OR5AN1: variants seen among roughly 807,000 people sequenced by gnomAD.
OR5AN1 encodes olfactory receptor family 5 subfamily AN member 1, also known as olfactory receptor 5AN1.
For missense variants in OR5AN1, 476 were observed against 368.9 expected (o/e 1.29, Z -2.38); for synonymous variants, 167 against 131.8 (o/e 1.27, Z -1.83).
chr11:59,360,087 C>A (rs1372381786), intron 1 of OR5AN1: 3 of 152,154 alleles, frequency 2.0e-5, no homozygotes, highest in Non-Finnish European at 4.4e-5. Flanking sequence ...TATCAAATGT[C>A]AACAAGGTAA....
chr11:59,362,031 G>A (rs940066819), intron 1 of OR5AN1, among the ~76,000 whole-genome samples: 1 of 151,814 alleles, frequency 6.6e-6, no homozygotes, highest in East Asian at 1.9e-4. Context: ...AGAAGAGAGC[G>A]GGGGATTGGA....
rs1404154736 is a variant in OR5AN1, at chr11:59,368,610, G to A, written c.*3216G>A. The A allele has an allele frequency of 1.3e-5, 2 of 152,464 alleles. No individual in the cohort carries two copies. The highest frequency in any genetic ancestry group is 2.9e-5 in the Non-Finnish European group (2 of 68,280). The allele number at this position is 152,464 out of a possible 1,614,324, so 9.4% of individuals were successfully genotyped here. On this transcript the variant is annotated 3_prime_UTR_variant, in exon 2 of 2. Coordinates refer to ENST00000641998, the MANE Select transcript of OR5AN1 (RefSeq NM_001004729.2). ...TCACCAGACAAAGAACCCCTGGCTTGGGCCCACAACACATACCCTCTATCT... is the reference window on the plus strand; with the variant it reads ...TCACCAGACAAAGAACCCCTGGCTTAGGCCCACAACACATACCCTCTATCT...
chr11:59,365,356 G>A lies in OR5AN1; in HGVS notation c.898G>A (p.Asp300Asn). ...CAGTTTGAGGAACAAAGAAATTAAA[G>A]ATGCCTTAAAGAGGTTGCAAAAGAG... ...IYSLRNKEIK[D>N]ALKRLQKRKC... is the part of the protein sequence containing the mutation. Residue 300 changes from aspartate (D) to asparagine (N), a missense_variant, in exon 2 of 2, where the codon GAT becomes AAT. Physicochemically the swap from Asp to Asn is conservative, Grantham distance 23. Coordinates refer to ENST00000641998, the MANE Select transcript of OR5AN1 (RefSeq NM_001004729.2). 6.2e-7 allele frequency: 1 copy of A among 1,609,174 alleles called. No homozygotes were observed. Among genetic ancestry groups the A allele is most frequent in the Non-Finnish European group, 8.5e-7 (1 of 1,178,304 alleles).
Position 59,365,535 on chromosome 11 carries a change from T to C in OR5AN1, c.*141T>C, listed in dbSNP as rs1350230221. On this transcript the variant is annotated 3_prime_UTR_variant, in exon 2 of 2. Coordinates refer to ENST00000641998, the MANE Select transcript of OR5AN1 (RefSeq NM_001004729.2). ...AGAAGGCTTGATTTGATGCACAAAA[T>C]ATGCCAATATGGACCAACAGATGAC... 1 of 596,532 alleles carries C rather than the reference T, an allele frequency of 1.7e-6. No individual in the cohort carries two copies. 37.0% of individuals were successfully genotyped at this position (596,532 alleles called of 1,614,324 possible). A position where few individuals can be genotyped will look rare whatever the true frequency, so the allele number is the denominator to read the frequency against.
chr11:59,360,756 A>T (rs1247521319), intron 1 of OR5AN1, among the ~76,000 whole-genome samples: 2 of 152,190 alleles, frequency 1.3e-5, no homozygotes, highest in African/African-American at 2.4e-5. Flanking sequence ...GATGGCTTCC[A>T]GCTCCATCCA....
intron 1 of OR5AN1, among the ~76,000 whole-genome samples, chr11:59,360,631 T>C (rs986642163): frequency 6.6e-6 from 1 of 152,124 alleles, no homozygotes; most frequent in Admixed American, 6.5e-5. Context: ...TCTCACTGTA[T>C]CCATGTGTCC....
intron 1 of OR5AN1, among the ~76,000 whole-genome samples, chr11:59,362,323 T>C (rs1426183633): frequency 6.6e-6 from 1 of 152,150 alleles, no homozygotes; most frequent in African/African-American, 2.4e-5. Flanking sequence ...ATAATTTCTG[T>C]TTTAGTGTTA....
At position 59,360,438 on chromosome 11, in the gene OR5AN1, T is replaced by C. The variant is rs574041861; in HGVS notation, c.-14+1166T>C. On this transcript the variant is annotated intron_variant, in intron 1 of 1. Transcript: ENST00000641998. Reference sequence around the variant, plus strand: ...CTTTTTTTCATTTTTATTTTTATTTTAAGTTCTGGGGTACTTGTGCATGAT... The same window carrying C: ...CTTTTTTTCATTTTTATTTTTATTTCAAGTTCTGGGGTACTTGTGCATGAT... Among the ~76,000 whole-genome samples, 10 of 152,330 alleles carry C rather than the reference T, an allele frequency of 6.6e-5. 1 individual carries two copies. In the South Asian group the frequency reaches 2.1e-3, roughly 32 times the overall value.
intron 1 of OR5AN1, among the ~76,000 whole-genome samples, chr11:59,362,040 G>A (rs1857470610): frequency 6.6e-6 from 1 of 151,834 alleles, no homozygotes; most frequent in Admixed American, 6.6e-5. Context: ...CGGGGGATTG[G>A]AGAGAGAGCT....
In OR5AN1 at chr11:59,364,576, C is replaced by T. The variant is rs1162409824; in HGVS notation, c.118C>T (p.Leu40=). Residue 40 remains leucine (L), a synonymous_variant, in exon 2 of 2, where the codon CTG becomes TTG. Coordinates refer to ENST00000641998, the MANE Select transcript of OR5AN1 (RefSeq NM_001004729.2). ...TIFLVIYITS[L]AWNLSLIVLI... ...ATTCCTGGTGATCTACATTACATCT[C>T]TGGCCTGGAACCTCTCCCTCATTGT... The T allele has an allele frequency of 1.2e-6, 2 of 1,613,980 alleles. No homozygotes were observed. Among genetic ancestry groups the T allele is most frequent in the Non-Finnish European group, 1.7e-6 (2 of 1,179,892 alleles).
In OR5AN1 at chr11:59,367,578, G is replaced by C. The variant is rs77232851; in HGVS notation, c.*2184G>C. The C allele has an allele frequency of 0.035, 5,262 of 152,342 alleles. 136 individuals are homozygous for C. The highest frequency in any genetic ancestry group is 0.096 in the East Asian group (496 of 5,176). The allele number at this position is 152,342 out of a possible 1,614,324, so 9.4% of individuals were successfully genotyped here. ...CCAGACAGCTACCAGTAGTGGCATT[G>C]TACCTCCCTAAGAAGGAGCTCAAAG... On this transcript the variant is annotated 3_prime_UTR_variant, in exon 2 of 2. Transcript: ENST00000641998.
Position 59,364,565 on chromosome 11 carries a change from A to T in OR5AN1, c.107A>T (p.Tyr36Phe). ...CTCTTCACTATATTCCTGGTGATCT[A>T]CATTACATCTCTGGCCTGGAACCTC... ...KVLFTIFLVI[Y>F]ITSLAWNLSL... Residue 36 changes from tyrosine to phenylalanine, a missense_variant, in exon 2 of 2, where the codon TAC (tyrosine) becomes TTC (phenylalanine). Tyr to Phe is a conservative substitution (Grantham distance 22, BLOSUM62 3). Coordinates refer to ENST00000641998, the MANE Select transcript of OR5AN1 (RefSeq NM_001004729.2). The T allele has an allele frequency of 6.2e-7, 1 of 1,613,902 alleles. No individual in the cohort carries two copies. The highest frequency in any genetic ancestry group is 8.5e-7 in the Non-Finnish European group (1 of 1,179,840).
At chr11:59,361,063 A>G (rs1857457054) in intron 1 of OR5AN1, among the ~76,000 whole-genome samples, 1 of 152,214 alleles carries the variant, frequency 6.6e-6, no homozygotes, top group Non-Finnish European at 1.5e-5. Context: ...AACAAAAAGC[A>G]GCATCAGGAG....
chr11:59,364,122 GA>G (rs1857495520), intron 1 of OR5AN1, among the ~76,000 whole-genome samples: 2 of 152,176 alleles, frequency 1.3e-5, no homozygotes, highest in Non-Finnish European at 2.9e-5. Flanking sequence ...TCTTTTTGAA[GA>G]AAAACTATTA....
intron 1 of OR5AN1, 98 bp from the exon 2 acceptor site, chr11:59,364,348 G>T: frequency 1.4e-6 from 1 of 716,720 alleles, no homozygotes; most frequent in Non-Finnish European, 2.3e-6. Flanking sequence ...TCCATTTCCA[G>T]TGCTTGTTGG....
intron 1 of OR5AN1, among the ~76,000 whole-genome samples, chr11:59,360,510 C>T (rs556296759): frequency 7.9e-5 from 12 of 151,896 alleles, no homozygotes; most frequent in Admixed American, 1.3e-4. Flanking sequence ...TGGTTTTCTG[C>T]GCCTATCAAC....
chr11:59,361,147 T>C (rs1431142236), intron 1 of OR5AN1, among the ~76,000 whole-genome samples: 5 of 152,210 alleles, frequency 3.3e-5, no homozygotes, highest in Non-Finnish European at 5.9e-5. Context: ...GTCAACAATA[T>C]CTTTAGTCTG....
chr11:59,364,628 A>T lies in OR5AN1; in HGVS notation c.170A>T (p.His57Leu). Residue 57 changes from histidine (H) to leucine (L), a missense_variant, in exon 2 of 2, where the codon CAT becomes CTT. Transcript: ENST00000641998. ...IVLIRMDSHL[H>L]TPMYFFLSNL... ...TTAATAAGGATGGATTCCCACCTCCATACACCCATGTATTTCTTCCTCAGT... is the reference window on the plus strand; with the variant it reads ...TTAATAAGGATGGATTCCCACCTCCTTACACCCATGTATTTCTTCCTCAGT... 6.2e-7 allele frequency: 1 copy of T among 1,614,052 alleles called. No individual in the cohort carries two copies. Among genetic ancestry groups the T allele is most frequent in the Admixed American group, 1.7e-5 (1 of 60,020 alleles).
Position 59,369,874 on chromosome 11 carries a change from C to T in OR5AN1, c.*4480C>T, listed in dbSNP as rs1319088392. 2.0e-5 allele frequency: 3 copies of T among 152,094 alleles called. No individual in the cohort carries two copies. The highest frequency in any genetic ancestry group is 2.9e-5 in the Non-Finnish European group (2 of 68,028). The allele number at this position is 152,094 out of a possible 1,614,324, so 9.4% of individuals were successfully genotyped here. A position where few individuals can be genotyped will look rare whatever the true frequency, so the allele number is the denominator to read the frequency against. ...AGGCAGCTATAAGGAAAGGGTGAGT[C>T]ATCTACAAAGGGATCCCCGTCAGGC... On this transcript the variant is annotated 3_prime_UTR_variant, in exon 2 of 2. Transcript: ENST00000641998.
Sources: gnomAD v4.1 joint callset for allele counts (sites outside exome capture counted in the v4.1 genomes callset) on GRCh38, gnomAD v4.1.1 for gene constraint, MANE v1.5 for transcripts, NCBI Gene and HGNC (gene_info 2026-07-23, HGNC 2026-07-21) for gene names.